FOXP2: variants seen among roughly 807,000 people sequenced by gnomAD.
FOXP2 encodes the protein forkhead box protein P2.
A neutral mutation model predicts 115.8 loss-of-function variants in FOXP2; 12 were observed. That is an observed-to-expected ratio of 0.10 (90% confidence interval 0.07 to 0.17). The LOEUF (loss-of-function observed/expected upper bound fraction) is 0.17, where lower values mean the gene tolerates loss of function less well. Among genes scored for constraint, FOXP2 ranks in the 10% least tolerant of loss-of-function variants. FOXP2 has a pLI of 1.00. For missense variants in FOXP2, 629 were observed against 843.5 expected, an observed-to-expected ratio of 0.75 and a Z score of 3.15; for synonymous variants, 328 against 297.7, an observed-to-expected ratio of 1.10 and a Z score of -1.05.
intron 3 of FOXP2, among the ~76,000 whole-genome samples, chr7:114,611,582 C>A (rs1803631128): frequency 6.6e-6 from 1 of 152,184 alleles, no homozygotes; most frequent in African/African-American, 2.4e-5. Context: ...TAGCTAAATT[C>A]ATAGGACCTA....
chr7:114,103,268 G>C (rs1229681081), intron 1 of FOXP2, among the ~76,000 whole-genome samples: 1 of 152,038 alleles, frequency 6.6e-6, no homozygotes, highest in Admixed American at 6.6e-5. Context: ...AATTAGATTA[G>C]TGAAGTATCT....
chr7:114,428,799 G>A (rs555305473), intron 2 of FOXP2, among the ~76,000 whole-genome samples: 40 of 151,128 alleles, frequency 2.6e-4, no homozygotes, highest in Non-Finnish European at 4.0e-4. Flanking sequence ...TCTAACATTC[G>A]CTATATTTCA....
At chr7:114,513,427 G>C (rs1798172628) in intron 2 of FOXP2, among the ~76,000 whole-genome samples, 1 of 152,010 alleles carries the variant, frequency 6.6e-6, no homozygotes, top group Non-Finnish European at 1.5e-5. Context: ...CTTATAATTA[G>C]AATCATTTGG....
chr7:114,189,766 T>G (rs1793708685), intron 1 of FOXP2, among the ~76,000 whole-genome samples: 1 of 152,204 alleles, frequency 6.6e-6, no homozygotes, highest in Admixed American at 6.5e-5. Flanking sequence ...ACCATATTCC[T>G]TTTATTCTTT....
At chr7:114,206,232 C>G (rs751916270) in intron 1 of FOXP2, among the ~76,000 whole-genome samples, 5 of 152,110 alleles carry the variant, frequency 3.3e-5, no homozygotes, top group Admixed American at 3.3e-4. Flanking sequence ...CTAAAAACTT[C>G]CAGTGGCTTT....
intron 1 of FOXP2, among the ~76,000 whole-genome samples, chr7:114,243,067 T>G (rs1461666941): frequency 6.6e-6 from 1 of 152,150 alleles, no homozygotes; most frequent in Non-Finnish European, 1.5e-5. Context: ...TTTTTATATG[T>G]ATCCATACTA....
At chr7:114,646,083 T>C (rs1369106100) in intron 8 of FOXP2, among the ~76,000 whole-genome samples, 1 of 46,128 alleles carries the variant, frequency 2.2e-5, no homozygotes, top group East Asian at 5.7e-4. Context: ...AAAAAAAAAA[T>C]TGTTAAAGCA....
intron 1 of FOXP2, among the ~76,000 whole-genome samples, chr7:114,192,698 T>C (rs1793792575): frequency 6.6e-6 from 1 of 152,246 alleles, no homozygotes; most frequent in South Asian, 2.1e-4. Flanking sequence ...AGTTTCACTG[T>C]AAAGGTTTTA....
intron 1 of FOXP2, among the ~76,000 whole-genome samples, chr7:114,276,558 A>T (rs1796193666): frequency 6.6e-6 from 1 of 152,114 alleles, no homozygotes; most frequent in South Asian, 2.1e-4. Context: ...TCCATTCATA[A>T]TGGACAAGCT....
intron 1 of FOXP2, among the ~76,000 whole-genome samples, chr7:114,204,054 A>T (rs1195344800): frequency 2.6e-5 from 4 of 151,724 alleles, no homozygotes; most frequent in Admixed American, 1.3e-4. Context: ...TTTTAAACAA[A>T]TTTTTTTTCT....
chr7:114,188,427 A>G (rs1728300934), intron 1 of FOXP2, among the ~76,000 whole-genome samples: 1 of 152,166 alleles, frequency 6.6e-6, no homozygotes, highest in South Asian at 2.1e-4. Context: ...CCTCCATGCC[A>G]TATGTGTGGT....
chr7:114,539,714 T>C (rs574729262), intron 3 of FOXP2, among the ~76,000 whole-genome samples: 3 of 152,048 alleles, frequency 2.0e-5, no homozygotes, highest in Admixed American at 2.0e-4. Context: ...TGTTAAACTA[T>C]GATGATGTTT....
In FOXP2 at chr7:114,477,742, T is replaced by G. The variant is rs141695385; in HGVS notation, c.168+51063T>G. ...AAATTCTTAGAAACTTGGTAATAGA[T>G]TGTAGCTCATAAGTAGATTTGTCAC... On this transcript the variant is annotated intron_variant, in intron 2 of 16. Transcript: ENST00000350908. Among the ~76,000 whole-genome samples, 527 of 152,018 alleles carry G rather than the reference T, an allele frequency of 3.5e-3. 2 individuals carry two copies. Among genetic ancestry groups the G allele is most frequent in the African/African-American group, 0.012 (506 of 41,522 alleles).
chr7:114,538,458 A>G (rs1406087153), intron 3 of FOXP2: 5 of 803,152 alleles, frequency 6.2e-6, no homozygotes, highest in Non-Finnish European at 9.1e-6. Flanking sequence ...ATTGTAGGTT[A>G]ATATATAATA....
chr7:114,673,707 C>CT (rs1336746069), intron 16 of FOXP2, among the ~76,000 whole-genome samples: 8 of 151,154 alleles, frequency 5.3e-5, no homozygotes, highest in East Asian at 1.9e-4. Flanking sequence ...CTGATACTGA[C>CT]TTTTTTTTTG....
At chr7:114,627,806 C>T (rs1003990902) in intron 3 of FOXP2, among the ~76,000 whole-genome samples, 4 of 151,920 alleles carry the variant, frequency 2.6e-5, no homozygotes, top group Admixed American at 6.6e-5. Flanking sequence ...TTTGTACTTC[C>T]TATTATAAGC....
At chr7:114,550,417 C>T (rs1458957843) in intron 3 of FOXP2, among the ~76,000 whole-genome samples, 1 of 151,996 alleles carries the variant, frequency 6.6e-6, no homozygotes, top group Non-Finnish European at 1.5e-5. Flanking sequence ...CACCCGGCCT[C>T]ATCTTTCTTT....
chr7:114,494,653 A>G (rs1023267890), intron 2 of FOXP2, among the ~76,000 whole-genome samples: 2 of 152,198 alleles, frequency 1.3e-5, no homozygotes, highest in African/African-American at 2.4e-5. Flanking sequence ...TTTAAAAACA[A>G]TGGAAGATGT....
In FOXP2 at chr7:114,644,665, G is replaced by T. The variant is rs776218490; in HGVS notation, c.990-20G>T. The T allele has an allele frequency of 6.3e-7, 1 of 1,596,914 alleles. No individual in the cohort carries two copies. The highest frequency in any genetic ancestry group is 8.6e-7 in the Non-Finnish European group (1 of 1,164,460). ...TATAGCTTTTTGAGATGAATCTGAC[G>T]TCGTGTTCTTTTGCTACAGCTCGTC... On this transcript the variant is annotated intron_variant, in intron 7 of 16. Transcript: ENST00000350908.
Sources: gnomAD v4.1 joint callset for allele counts (sites outside exome capture counted in the v4.1 genomes callset) on GRCh38, gnomAD v4.1.1 for gene constraint, MANE v1.5 for transcripts, NCBI Gene and HGNC (gene_info 2026-07-23, HGNC 2026-07-21) for gene names.